The following CTNND2 variants were observed in gnomAD, a reference collection of about 807,000 sequenced individuals.
The protein encoded by CTNND2 is catenin delta 2.
In CTNND2, 22 loss-of-function variants were observed where a neutral mutation model predicts 144.4. The observed-to-expected ratio is 0.15, with a 90% confidence interval of 0.11 to 0.22. CTNND2 has a LOEUF of 0.22. Among genes scored for constraint, CTNND2 ranks in the 10% least tolerant of loss-of-function variants. The pLI is 1.00. For missense variants in CTNND2, 1,353 were observed against 1,618.8 expected (o/e 0.84, Z 2.82); for synonymous variants, 751 against 695.6 (o/e 1.08, Z -1.25).
chr5:11,428,159 A>T (rs977455333), intron 3 of CTNND2, among the ~76,000 whole-genome samples: 1 of 152,184 alleles, frequency 6.6e-6, no homozygotes, highest in South Asian at 2.1e-4. Context: ...ACACAATTCA[A>T]GTTGAGACTT....
chr5:11,738,140 T>C (rs1215849363), intron 1 of CTNND2, among the ~76,000 whole-genome samples: 1 of 152,142 alleles, frequency 6.6e-6, no homozygotes, highest in Admixed American at 6.5e-5. Flanking sequence ...ATCACAGGTC[T>C]CAGGAGGAGG....
At chr5:11,287,656 T>C (rs1747889066) in intron 9 of CTNND2, among the ~76,000 whole-genome samples, 1 of 152,194 alleles carries the variant, frequency 6.6e-6, no homozygotes, top group Admixed American at 6.6e-5. Flanking sequence ...ACCTTTACAG[T>C]ACTATAAAGG....
intron 5 of CTNND2, among the ~76,000 whole-genome samples, chr5:11,409,089 T>C (rs1181630053): frequency 6.6e-6 from 1 of 152,086 alleles, no homozygotes; most frequent in African/African-American, 2.4e-5. Flanking sequence ...AATGTGTTTT[T>C]TCCCCCATAC....
chr5:11,714,101 A>G (rs1786205649), intron 2 of CTNND2, among the ~76,000 whole-genome samples: 1 of 152,224 alleles, frequency 6.6e-6, no homozygotes, highest in South Asian at 2.1e-4. Flanking sequence ...ATTTATTTTT[A>G]AAGAGAAAGT....
intron 1 of CTNND2, among the ~76,000 whole-genome samples, chr5:11,795,299 G>A (rs185863317): frequency 3.3e-5 from 5 of 152,302 alleles, no homozygotes; most frequent in Non-Finnish European, 7.3e-5. Context: ...GACATAAAAA[G>A]AGGAGTGAGC....
chr5:11,162,685 G>A lies in CTNND2; in HGVS notation c.1976-2926C>T, dbSNP rs541395915. Reference sequence around the variant, plus strand: ...GAAGTCTTGGTAAAGTGGATGGAACGCGGCAGATTTTCTTGAGGGGGAATT... The same window carrying A: ...GAAGTCTTGGTAAAGTGGATGGAACACGGCAGATTTTCTTGAGGGGGAATT... On this transcript the variant is annotated intron_variant, in intron 11 of 21. Transcript: ENST00000304623. 5.4e-5 allele frequency among the ~76,000 whole-genome samples: 8 copies of A among 148,506 alleles called. No homozygotes were observed. The East Asian group carries it at 1.2e-3, about 23-fold the overall frequency.
intron 2 of CTNND2, among the ~76,000 whole-genome samples, chr5:11,640,302 G>A (rs1049138812): frequency 6.6e-6 from 1 of 152,208 alleles, no homozygotes; most frequent in Admixed American, 6.5e-5. Flanking sequence ...GTTGCAGACT[G>A]TCTCTTTTCA....
rs545122376 is a variant in CTNND2, at chr5:11,377,510, T to C, written c.1177+7155A>G. On this transcript the variant is annotated intron_variant, in intron 7 of 21. Transcript: ENST00000304623. ...GTTTTCATTTTTTTAGGGCACATTTTCTCAGCTAAAGCACAACTGAAGTCA... is the reference window on the plus strand; with the variant it reads ...GTTTTCATTTTTTTAGGGCACATTTCCTCAGCTAAAGCACAACTGAAGTCA... 7.9e-5 allele frequency among the ~76,000 whole-genome samples: 12 copies of C among 152,262 alleles called. 1 individual carries two copies. The East Asian group carries it at 2.1e-3, about 27-fold the overall frequency.
At chr5:11,381,640 G>A (rs1758487833) in intron 7 of CTNND2, among the ~76,000 whole-genome samples, 1 of 152,202 alleles carries the variant, frequency 6.6e-6, no homozygotes, top group Non-Finnish European at 1.5e-5. Flanking sequence ...TAAGTACTGT[G>A]TACTAACTAA....
intron 16 of CTNND2, among the ~76,000 whole-genome samples, chr5:11,027,604 G>C (rs1742991617): frequency 6.6e-6 from 1 of 152,138 alleles, no homozygotes; most frequent in South Asian, 2.1e-4. Context: ...CCTTTCCACT[G>C]TGTGTATGTG....
intron 12 of CTNND2, among the ~76,000 whole-genome samples, chr5:11,153,018 C>T (rs1207307467): frequency 2.6e-5 from 4 of 152,136 alleles, no homozygotes; most frequent in Admixed American, 6.5e-5. Context: ...AATCCCAGCA[C>T]TTTGGGAGGT....
chr5:11,331,398 G>C (rs1753128464), intron 9 of CTNND2, among the ~76,000 whole-genome samples: 1 of 152,150 alleles, frequency 6.6e-6, no homozygotes, highest in Non-Finnish European at 1.5e-5. Context: ...AAGGCAAAAG[G>C]CACAGTAGGA....
At chr5:11,829,754 C>A (rs995716895) in intron 1 of CTNND2, among the ~76,000 whole-genome samples, 4 of 152,152 alleles carry the variant, frequency 2.6e-5, no homozygotes, top group Admixed American at 1.3e-4. Flanking sequence ...GAGGCACTGC[C>A]TCGTGGAGCT....
intron 9 of CTNND2, among the ~76,000 whole-genome samples, chr5:11,237,374 T>C (rs1170865300): frequency 6.6e-6 from 1 of 152,208 alleles, no homozygotes. Flanking sequence ...TTTTATAGAT[T>C]ATATATACAG....
intron 1 of CTNND2, among the ~76,000 whole-genome samples, chr5:11,810,824 T>C (rs368618893): frequency 6.6e-6 from 1 of 152,060 alleles, no homozygotes; most frequent in African/African-American, 2.4e-5. Context: ...AATCCTAGGG[T>C]AAGTTAGGCA....
At chr5:11,567,297 G>A (rs1561566703) in intron 2 of CTNND2, among the ~76,000 whole-genome samples, 1 of 151,970 alleles carries the variant, frequency 6.6e-6, no homozygotes, top group Non-Finnish European at 1.5e-5. Context: ...GAAGCACTGG[G>A]CAATTTGATG....
At chr5:11,149,892 G>A (rs1472473510) in intron 12 of CTNND2, among the ~76,000 whole-genome samples, 2 of 152,108 alleles carry the variant, frequency 1.3e-5, no homozygotes, top group Non-Finnish European at 2.9e-5. Flanking sequence ...GCTTTTCCCT[G>A]CTTTAGAAAA....
chr5:11,899,256 A>G (rs1275698077), intron 1 of CTNND2, among the ~76,000 whole-genome samples: 1 of 152,216 alleles, frequency 6.6e-6, no homozygotes, highest in Admixed American at 6.5e-5. Flanking sequence ...CTGACCTCAC[A>G]GAGAGTGATG....
rs764473564 is a variant in CTNND2 at position 11,384,820 on chromosome 5, A to G, written c.1022T>C (p.Ile341Thr). 1 of 1,612,958 alleles carries G rather than the reference A, an allele frequency of 6.2e-7. No homozygotes were observed. Among genetic ancestry groups the G allele is most frequent in the Admixed American group, 1.7e-5 (1 of 59,922 alleles). The change falls in exon 7 of 22, where the codon ATC becomes ACC. Residue 341 changes from isoleucine to threonine, a missense_variant. Transcript: ENST00000304623. The surrounding 1 kb of genome is among the most constrained non-coding windows in gnomAD (Gnocchi z 5.2). ...CAGCTGGTGGATGGGCGAGGAGGAG[A>G]TGGTGGACTGCACGGTGGGGGGCGA... ...VTSPPTVQSTISSSPIHQLSS... is the reference protein window; with the variant it reads ...VTSPPTVQSTTSSSPIHQLSS...
Sources: allele counts gnomAD v4.1 joint callset (sites outside exome capture counted in the v4.1 genomes callset), GRCh38; gene constraint gnomAD v4.1.1; non-coding constraint Gnocchi (gnomAD v3.1); transcripts MANE v1.5; gene names NCBI Gene and HGNC (gene_info 2026-07-23, HGNC 2026-07-21).